Variants in PCNX2 observed in about 807,000 individuals in gnomAD.
The protein encoded by PCNX2 is pecanex 2.
A neutral mutation model predicts 223.8 loss-of-function variants in PCNX2; 168 were observed. That is an observed-to-expected ratio of 0.75 (90% CI 0.66 to 0.85). The LOEUF is 0.85. PCNX2 is among the 40% of genes least tolerant of loss of function. The pLI is 0.00. For missense variants in PCNX2, 2,507 were observed against 2,675.5 expected (o/e 0.94, Z 1.39); for synonymous variants, 1,006 against 1,052.6 (o/e 0.96, Z 0.86).
intron 15 of PCNX2, among the ~76,000 whole-genome samples, chr1:233,189,450 G>A (rs960638599): frequency 6.6e-6 from 1 of 152,142 alleles, no homozygotes; most frequent in African/African-American, 2.4e-5. Flanking sequence ...TCTGGGACGT[G>A]GGGTGTGTGA....
intron 17 of PCNX2, among the ~76,000 whole-genome samples, chr1:233,168,916 T>C (rs1454987680): frequency 1.3e-5 from 2 of 152,154 alleles, no homozygotes; most frequent in Non-Finnish European, 2.9e-5. Context: ...TCATTTTAAT[T>C]TGCATTTTTA....
At chr1:233,114,902 C>G (rs541194944) in intron 21 of PCNX2, among the ~76,000 whole-genome samples, 2 of 152,130 alleles carry the variant, frequency 1.3e-5, no homozygotes, top group Non-Finnish European at 2.9e-5. Flanking sequence ...CTTCCAGAAA[C>G]CCCACTAGGT....
intron 1 of PCNX2, among the ~76,000 whole-genome samples, chr1:233,266,346 ATAAT>A (rs200646039): frequency 2.2e-4 from 33 of 152,268 alleles, no homozygotes; most frequent in East Asian, 5.8e-4. Context: ...TGTCTTATTC[ATAAT>A]TAATTAATTA....
chr1:233,058,121 G>C, intron 23 of PCNX2: 1 of 897,456 alleles, frequency 1.1e-6, no homozygotes, highest in Non-Finnish European at 1.3e-6. Context: ...ATTCCATCAT[G>C]TAAACACCCC....
chr1:233,318,432 C>T, the PCNX2 span, among the ~76,000 whole-genome samples: 2 of 152,000 alleles, frequency 1.3e-5, no homozygotes, highest in African/African-American at 2.4e-5. Flanking sequence ...AAGAAAATAT[C>T]CTTTTCTCTA....
Position 233,165,463 on chromosome 1 carries a change from C to A in PCNX2, c.3274-4100G>T, listed in dbSNP as rs777236191. On this transcript the variant is annotated intron_variant, in intron 17 of 33. Transcript: ENST00000258229. ...AGCACCCCCAACCTCCACTTCCCTG[C>A]AACCAGGGAAATATTCTGAGGCTCA... Among the ~76,000 whole-genome samples the A allele has an allele frequency of 8.3e-4, 126 of 152,228 alleles. 1 individual carries two copies. Among genetic ancestry groups the A allele is most frequent in the Middle Eastern group, 3.4e-3 (1 of 294 alleles).
intron 12 of PCNX2, among the ~76,000 whole-genome samples, chr1:233,216,122 C>A (rs1472601053): frequency 6.6e-6 from 1 of 152,118 alleles, no homozygotes; most frequent in Non-Finnish European, 1.5e-5. Flanking sequence ...CAGGAGATTG[C>A]CACAACAAAG....
intron 32 of PCNX2, among the ~76,000 whole-genome samples, chr1:232,995,728 G>A (rs534137780): frequency 4.6e-5 from 7 of 152,236 alleles, no homozygotes; most frequent in African/African-American, 1.7e-4. Flanking sequence ...CCACAAACGG[G>A]AAGCTGTGAT....
chr1:233,189,900 G>C (rs1680320350), intron 15 of PCNX2, among the ~76,000 whole-genome samples: 1 of 152,170 alleles, frequency 6.6e-6, no homozygotes, highest in Non-Finnish European at 1.5e-5. Flanking sequence ...TGTTTCTGTA[G>C]ATCACTGTCA....
chr1:233,166,084 G>A (rs923895782), intron 17 of PCNX2, among the ~76,000 whole-genome samples: 11 of 151,936 alleles, frequency 7.2e-5, no homozygotes, highest in African/African-American at 2.7e-4. Flanking sequence ...ATTGATTTTC[G>A]ACAAAAGTGC....
chr1:233,071,886 CTAA>C (rs1178779550), intron 23 of PCNX2, among the ~76,000 whole-genome samples: 1 of 152,194 alleles, frequency 6.6e-6, no homozygotes, highest in Non-Finnish European at 1.5e-5. Flanking sequence ...TTGCATTTCT[CTAA>C]TAATTGATGA....
rs1488071994 is a variant in PCNX2, at chr1:233,295,116, T to C, written c.153+210A>G. On this transcript the variant is annotated intron_variant, in intron 1 of 33. Transcript: ENST00000258229. This position sits in a 1 kb window ranked among gnomAD's most constrained non-coding sequence, Gnocchi z 4.1. ...TTAATGAGTCCCCGAGCCCCCGCAG[T>C]CCTGTCTACTTCTTTTCTTTTCCAG... is the stretch of plus-strand genomic sequence containing the variant. Among the ~76,000 whole-genome samples the C allele has an allele frequency of 6.6e-6, 1 of 152,034 alleles. No homozygotes were observed. Among genetic ancestry groups the C allele is most frequent in the East Asian group, 1.9e-4 (1 of 5,164 alleles).
At chr1:233,179,230 A>G (rs1368899240) in intron 15 of PCNX2, 55 bp from the exon 16 acceptor site, 42 of 1,552,882 alleles carry the variant, frequency 2.7e-5, no homozygotes, top group Non-Finnish European at 3.5e-5. Context: ...GAATAGCAGG[A>G]TCTCTATCAG....
chr1:232,989,829 C>G (rs1460595579), intron 32 of PCNX2, among the ~76,000 whole-genome samples: 3 of 152,208 alleles, frequency 2.0e-5, no homozygotes, highest in African/African-American at 7.2e-5. Flanking sequence ...TAATCAATAT[C>G]TTGACTAGAG....
the PCNX2 span, among the ~76,000 whole-genome samples, chr1:233,317,938 G>GT: frequency 6.6e-6 from 1 of 152,230 alleles, no homozygotes; most frequent in Non-Finnish European, 1.5e-5. Flanking sequence ...TATGCTTGCT[G>GT]TTAATCGCAG....
chr1:233,091,750 T>A (rs1673884199), intron 22 of PCNX2, among the ~76,000 whole-genome samples: 2 of 123,468 alleles, frequency 1.6e-5, no homozygotes, highest in East Asian at 2.3e-4. Flanking sequence ...AAAAAAAAAA[T>A]CATGATTTTT....
At chr1:233,183,303 A>G (rs1244551563) in intron 15 of PCNX2, among the ~76,000 whole-genome samples, 3 of 152,082 alleles carry the variant, frequency 2.0e-5, no homozygotes, top group Non-Finnish European at 4.4e-5. Flanking sequence ...TTCACATTAG[A>G]CACCGGACTC....
rs943806012 is a variant in PCNX2 at position 233,007,540 on chromosome 1, T to A, written c.4953-5859A>T. Among the ~76,000 whole-genome samples the A allele has an allele frequency of 3.9e-5, 6 of 152,122 alleles. No homozygotes were observed. In the East Asian group the frequency reaches 5.8e-4, roughly 15 times the overall value. On this transcript the variant is annotated intron_variant, in intron 28 of 33. Coordinates refer to ENST00000258229, the MANE Select transcript of PCNX2 (RefSeq NM_014801.4). ...TGTAACTGGAGTCATCTTCTTCTTTTTTTATTTATTTTTTTGAGACGGAGT... is the reference window on the plus strand; with the variant it reads ...TGTAACTGGAGTCATCTTCTTCTTTATTTATTTATTTTTTTGAGACGGAGT...
intron 1 of PCNX2, among the ~76,000 whole-genome samples, chr1:233,271,693 G>C (rs1229027093): frequency 6.6e-6 from 1 of 152,124 alleles, no homozygotes; most frequent in Non-Finnish European, 1.5e-5. Context: ...TCTACATGTG[G>C]CTTGCCAATT....
Sources: gnomAD v4.1 joint callset for allele counts (sites outside exome capture counted in the v4.1 genomes callset) on GRCh38, gnomAD v4.1.1 for gene constraint, Gnocchi (gnomAD v3.1) non-coding constraint, MANE v1.5 for transcripts, NCBI Gene and HGNC (gene_info 2026-07-23, HGNC 2026-07-21) for gene names.